The following MDGA2 variants were observed in gnomAD, a reference collection of about 807,000 sequenced individuals.
MDGA2 encodes MAM domain containing glycosylphosphatidylinositol anchor 2.
In MDGA2, 40 loss-of-function variants were observed where a neutral mutation model predicts 117.8. That is an observed-to-expected ratio of 0.34 (90% CI 0.26 to 0.44). MDGA2 has a LOEUF of 0.44. Among genes scored for constraint, MDGA2 ranks in the 20% least tolerant of loss-of-function variants. The pLI is 1.00. For synonymous variants in MDGA2, 452 were observed against 439.0 expected, an observed-to-expected ratio of 1.03 and a Z score of -0.37; for missense variants, 1,123 against 1,250.6, an observed-to-expected ratio of 0.90 and a Z score of 1.54.
intron 3 of MDGA2, among the ~76,000 whole-genome samples, chr14:47,203,909 AG>A (rs1339597782): frequency 6.6e-6 from 1 of 152,022 alleles, no homozygotes. Flanking sequence ...TAATTGCAAC[AG>A]AGCAGATAAA....
At chr14:47,554,982 G>A (rs1279764551) in intron 1 of MDGA2, among the ~76,000 whole-genome samples, 1 of 152,050 alleles carries the variant, frequency 6.6e-6, no homozygotes, top group Non-Finnish European at 1.5e-5. Context: ...GTTCAACTAA[G>A]CCAAAATGAC....
intron 3 of MDGA2, chr14:47,200,506 T>TTTTTC (rs1301287033): frequency 1.7e-6 from 1 of 592,522 alleles, no homozygotes; most frequent in Non-Finnish European, 2.7e-6. Context: ...CCTTTTTCTA[T>TTTTTC]TTTTCTTTTC....
intron 2 of MDGA2, among the ~76,000 whole-genome samples, chr14:47,258,797 T>A (rs1208412669): frequency 6.6e-6 from 1 of 151,930 alleles, no homozygotes; most frequent in African/African-American, 2.4e-5. Flanking sequence ...GAACAGAGGG[T>A]TCAGTATGCT....
chr14:47,499,694 A>G (rs2138670341), intron 1 of MDGA2, among the ~76,000 whole-genome samples: 1 of 152,274 alleles, frequency 6.6e-6, no homozygotes, highest in African/African-American at 2.4e-5. Context: ...AAGAGGCACA[A>G]CAGAAGCAGA....
At chr14:47,504,578 C>A (rs1246232407) in intron 1 of MDGA2, among the ~76,000 whole-genome samples, 1 of 151,844 alleles carries the variant, frequency 6.6e-6, no homozygotes, top group African/African-American at 2.4e-5. Context: ...AAATGGCTAA[C>A]AGGTATATTC....
intron 3 of MDGA2, among the ~76,000 whole-genome samples, chr14:47,183,892 C>T (rs1884806508): frequency 6.6e-6 from 1 of 151,922 alleles, no homozygotes; most frequent in South Asian, 2.1e-4. Flanking sequence ...ACATAGAAAT[C>T]TCCACCTCCC....
At chr14:47,521,012 T>C (rs1051078152) in intron 1 of MDGA2, among the ~76,000 whole-genome samples, 29 of 152,314 alleles carry the variant, frequency 1.9e-4, no homozygotes, top group African/African-American at 7.0e-4. Context: ...TATTTTGTCA[T>C]TGATTTAAAT....
intron 1 of MDGA2, among the ~76,000 whole-genome samples, chr14:47,378,262 A>T (rs908073908): frequency 6.6e-6 from 1 of 152,170 alleles, no homozygotes; most frequent in Non-Finnish European, 1.5e-5. Flanking sequence ...TGGGGAAAAA[A>T]CAGAGCAGAA....
At chr14:47,173,622 C>T (rs944836587) in intron 3 of MDGA2, among the ~76,000 whole-genome samples, 3 of 152,030 alleles carry the variant, frequency 2.0e-5, no homozygotes, top group Non-Finnish European at 2.9e-5. Flanking sequence ...CACCACCAGG[C>T]CTGCCCTAAA....
At position 46,968,632 on chromosome 14, in the gene MDGA2, G is replaced by A. The variant is rs1482404480; in HGVS notation, c.1820-10989C>T. ...GTGGATCACAAAGTCAGGAGTTCAAGACCAGCTTGGCCAACATGGTGAAAC... is the reference window on the plus strand; with the variant it reads ...GTGGATCACAAAGTCAGGAGTTCAAAACCAGCTTGGCCAACATGGTGAAAC... On this transcript the variant is annotated intron_variant, in intron 8 of 16. Coordinates refer to ENST00000399232, the MANE Select transcript of MDGA2 (RefSeq NM_001113498.3). Among the ~76,000 whole-genome samples, 3 of 151,864 alleles carry A rather than the reference G, an allele frequency of 2.0e-5. No homozygotes were observed. The East Asian group carries it at 5.8e-4, about 29-fold the overall frequency.
Position 47,140,744 on chromosome 14 carries a change from G to C in MDGA2, c.792+3334C>G, listed in dbSNP as rs539137326. ...AACACAACTACTAGAAGAAAACATA[G>C]GGGAAATGCTTCATGACATTGGTCT... On this transcript the variant is annotated intron_variant, in intron 4 of 16. Coordinates refer to ENST00000399232, the MANE Select transcript of MDGA2 (RefSeq NM_001113498.3). Among the ~76,000 whole-genome samples the C allele has an allele frequency of 1.1e-4, 17 of 152,194 alleles. 1 individual carries two copies. The South Asian group carries it at 3.5e-3, about 32-fold the overall frequency.
chr14:47,128,129 T>A (rs1241891829), intron 5 of MDGA2, among the ~76,000 whole-genome samples: 1 of 152,144 alleles, frequency 6.6e-6, no homozygotes, highest in Non-Finnish European at 1.5e-5. Context: ...TGGTTATCTT[T>A]GTCTTTAAAG....
chr14:46,922,261 G>T (rs960200066), intron 9 of MDGA2, among the ~76,000 whole-genome samples: 1 of 152,048 alleles, frequency 6.6e-6, no homozygotes, highest in Non-Finnish European at 1.5e-5. Flanking sequence ...TTTGAATATG[G>T]AATGGCCTAC....
intron 5 of MDGA2, among the ~76,000 whole-genome samples, chr14:47,128,978 C>A (rs527660697): frequency 2.6e-5 from 4 of 151,976 alleles, no homozygotes; most frequent in Non-Finnish European, 5.9e-5. Flanking sequence ...AGTGAGCCAC[C>A]GTGCCCAGCC....
At chr14:47,636,843 G>A (rs1324038838) in intron 1 of MDGA2, among the ~76,000 whole-genome samples, 13 of 136,508 alleles carry the variant, frequency 9.5e-5, no homozygotes, top group Non-Finnish European at 3.0e-5. Flanking sequence ...ATGGTGGAGC[G>A]TGCCTGTAAT....
intron 1 of MDGA2, among the ~76,000 whole-genome samples, chr14:47,454,711 T>C (rs1028183175): frequency 6.6e-6 from 1 of 152,188 alleles, no homozygotes; most frequent in Non-Finnish European, 1.5e-5. Flanking sequence ...GGGCACCTAT[T>C]ATAATGGGTG....
chr14:46,937,824 G>A (rs758438009), intron 9 of MDGA2, among the ~76,000 whole-genome samples: 43 of 152,228 alleles, frequency 2.8e-4, no homozygotes, highest in Non-Finnish European at 4.9e-4. Context: ...AGGCTTAAAT[G>A]TAAGATCTGG....
intron 1 of MDGA2, among the ~76,000 whole-genome samples, chr14:47,671,332 A>G (rs1458093917): frequency 1.3e-5 from 2 of 152,218 alleles, no homozygotes; most frequent in African/African-American, 4.8e-5. Flanking sequence ...GAAGAAGATT[A>G]AAATACTTGA....
At chr14:47,630,390 G>C (rs1335130629) in intron 1 of MDGA2, among the ~76,000 whole-genome samples, 3 of 152,158 alleles carry the variant, frequency 2.0e-5, no homozygotes, top group East Asian at 1.9e-4. Flanking sequence ...GTGTATAAGT[G>C]TGTGTGTTTG....
Sources: allele counts gnomAD v4.1 joint callset (sites outside exome capture counted in the v4.1 genomes callset), GRCh38; gene constraint gnomAD v4.1.1; transcripts MANE v1.5; gene names NCBI Gene and HGNC (gene_info 2026-07-23, HGNC 2026-07-21).